Variants in RAB8B observed in about 807,000 individuals in gnomAD.
RAB8B encodes the protein ras-related protein Rab-8B.
A neutral mutation model predicts 32.0 loss-of-function variants in RAB8B; 11 were observed. The ratio of observed to expected loss-of-function variants is 0.34; its 90% CI spans 0.22 to 0.57. The LOEUF is 0.57. RAB8B is among the 20% of genes least tolerant of loss of function. RAB8B has a pLI of 0.86. For synonymous variants in RAB8B, 103 were observed against 89.6 expected, an observed-to-expected ratio of 1.15 and a Z score of -0.85; for missense variants, 190 against 258.5, an observed-to-expected ratio of 0.73 and a Z score of 1.82.
At chr15:63,215,774 T>C (rs2037786414) in intron 1 of RAB8B, among the ~76,000 whole-genome samples, 1 of 152,202 alleles carries the variant, frequency 6.6e-6, no homozygotes, top group Non-Finnish European at 1.5e-5. Flanking sequence ...TAGCTGCTCA[T>C]GCCTATAATT....
rs562523824 is a variant in RAB8B, at chr15:63,243,961, CTT to C, written c.125-792_125-791del. Among the ~76,000 whole-genome samples, 28 of 152,232 alleles carry C rather than the reference CTT, an allele frequency of 1.8e-4. No individual in the cohort carries two copies. The East Asian group carries it at 5.2e-3, about 28-fold the overall frequency. ...GAAAATGTAGGAGGAGCAGGACTAACTTTTATAAAAACCCACTCTCAAGATAA... is the reference window on the plus strand; with the variant it reads ...GAAAATGTAGGAGGAGCAGGACTAACTTATAAAAACCCACTCTCAAGATAA... On this transcript the variant is annotated intron_variant, in intron 1 of 7. Coordinates refer to ENST00000321437, the MANE Select transcript of RAB8B (RefSeq NM_016530.3).
intron 1 of RAB8B, among the ~76,000 whole-genome samples, chr15:63,201,663 C>G (rs1029531845): frequency 6.6e-6 from 1 of 152,084 alleles, no homozygotes; most frequent in African/African-American, 2.4e-5. Flanking sequence ...GGACCTTTGC[C>G]GTTTACAAAG....
chr15:63,200,863 C>G (rs1037532657), intron 1 of RAB8B, among the ~76,000 whole-genome samples: 2 of 152,182 alleles, frequency 1.3e-5, no homozygotes, highest in African/African-American at 4.8e-5. Context: ...ATTTCTCTTG[C>G]TATGAAAAGA....
At chr15:63,193,026 C>T (rs1308927327) in intron 1 of RAB8B, among the ~76,000 whole-genome samples, 1 of 151,972 alleles carries the variant, frequency 6.6e-6, no homozygotes, top group Non-Finnish European at 1.5e-5. Flanking sequence ...AGTTTGACAC[C>T]AGTCTGGGCA....
chr15:63,192,259 C>G (rs1337196428), intron 1 of RAB8B, among the ~76,000 whole-genome samples: 1 of 152,192 alleles, frequency 6.6e-6, no homozygotes, highest in Admixed American at 6.5e-5. Context: ...GCTCTGCAGT[C>G]AAAATTAAGC....
intron 1 of RAB8B, among the ~76,000 whole-genome samples, chr15:63,192,914 C>T (rs895795647): frequency 4.6e-5 from 7 of 152,078 alleles, no homozygotes; most frequent in African/African-American, 1.2e-4. Flanking sequence ...GGAAACATAG[C>T]GAGACTCTGT....
chr15:63,247,156 A>G (rs146961759), intron 2 of RAB8B, among the ~76,000 whole-genome samples: 41 of 152,300 alleles, frequency 2.7e-4, no homozygotes, highest in African/African-American at 9.6e-4. Flanking sequence ...TCTCACTTGT[A>G]TCCTCACATG....
At chr15:63,262,244 G>C (rs1233100846) in intron 6 of RAB8B, among the ~76,000 whole-genome samples, 1 of 152,034 alleles carries the variant, frequency 6.6e-6, no homozygotes, top group Non-Finnish European at 1.5e-5. Context: ...TCCTGTTCTT[G>C]GTGTACTGAA....
chr15:63,218,872 GA>G (rs538831415), intron 1 of RAB8B, among the ~76,000 whole-genome samples: 15 of 148,270 alleles, frequency 1.0e-4, no homozygotes, highest in East Asian at 2.0e-4. Context: ...AAAATAGGAA[GA>G]AAAAAAAACA....
At chr15:63,226,288 T>G (rs2141124957) in intron 1 of RAB8B, among the ~76,000 whole-genome samples, 1 of 152,360 alleles carries the variant, frequency 6.6e-6, no homozygotes, top group Middle Eastern at 3.4e-3. Flanking sequence ...GTTACATAGC[T>G]AAAATGAAGC....
Position 63,209,154 on chromosome 15 carries a change from G to T in RAB8B, c.124+19406G>T, listed in dbSNP as rs1447773057. 3.3e-5 allele frequency among the ~76,000 whole-genome samples: 5 copies of T among 151,512 alleles called. No homozygotes were observed. The East Asian group carries it at 9.9e-4, about 30-fold the overall frequency. On this transcript the variant is annotated intron_variant, in intron 1 of 7. Coordinates refer to ENST00000321437, the MANE Select transcript of RAB8B (RefSeq NM_016530.3). ...AATCTACCTGCCTCGGCCTCCCAAA[G>T]TGCTGGGACCCACGATGAATTCCTT... is the stretch of plus-strand genomic sequence containing the variant.
chr15:63,249,893 T>C (rs1428093390), intron 3 of RAB8B, among the ~76,000 whole-genome samples, 188 bp downstream of exon 3: 2 of 152,082 alleles, frequency 1.3e-5, no homozygotes, highest in African/African-American at 2.4e-5. Flanking sequence ...TCCCAGCACT[T>C]TGGGAGGCCG....
In RAB8B at chr15:63,264,965, A is replaced by G. The variant is rs888851557; in HGVS notation, c.*1346A>G. On this transcript the variant is annotated 3_prime_UTR_variant, in exon 8 of 8. Coordinates refer to ENST00000321437, the MANE Select transcript of RAB8B (RefSeq NM_016530.3). Reference sequence around the variant, plus strand: ...TTTCTCAACAAACACTGGTACTGGTATACTTTTGTAGATGAAACCATCACA... The same window carrying G: ...TTTCTCAACAAACACTGGTACTGGTGTACTTTTGTAGATGAAACCATCACA... 2.6e-5 allele frequency: 4 copies of G among 152,666 alleles called. No individual in the cohort carries two copies. The highest frequency in any genetic ancestry group is 5.9e-5 in the Non-Finnish European group (4 of 68,034). The allele number at this position is 152,666 out of a possible 1,614,324, so 9.5% of individuals were successfully genotyped here.
rs1487220543 is a variant in RAB8B, at chr15:63,256,527, G to C, written c.347G>C (p.Arg116Thr). ...CAGCATGCCTCTTCCGATGTCGAAA[G>C]AATGATCCTGGGTAACAAATGTGAT... ...IEEHASSDVE[R>T]MILGNKCDMN... Residue 116 changes from arginine (R) to threonine (T), a missense_variant, in exon 5 of 8, where the codon AGA (arginine) becomes ACA (threonine). Transcript: ENST00000321437. 1.2e-6 allele frequency: 2 copies of C among 1,603,164 alleles called. No homozygotes were observed. The highest frequency in any genetic ancestry group is 1.7e-6 in the Non-Finnish European group (2 of 1,176,680).
At chr15:63,233,123 G>A (rs1380997687) in intron 1 of RAB8B, among the ~76,000 whole-genome samples, 1 of 150,502 alleles carries the variant, frequency 6.6e-6, no homozygotes, top group Admixed American at 6.6e-5. Context: ...GTGGCGCAAT[G>A]ATCATAGCTC....
intron 1 of RAB8B, among the ~76,000 whole-genome samples, chr15:63,211,815 A>T (rs1179357123): frequency 6.6e-6 from 1 of 152,114 alleles, no homozygotes; most frequent in African/African-American, 2.4e-5. Flanking sequence ...ATCATTCAAC[A>T]ACATGAAGAG....
chr15:63,258,204 C>G (rs1289024820), intron 5 of RAB8B, among the ~76,000 whole-genome samples: 2 of 151,698 alleles, frequency 1.3e-5, no homozygotes, highest in African/African-American at 4.8e-5. Flanking sequence ...CTGGTTCAAG[C>G]GATTCTCCTG....
In RAB8B at chr15:63,241,963, A is replaced by G. The variant is rs552547338; in HGVS notation, c.125-2793A>G. 2.5e-3 allele frequency among the ~76,000 whole-genome samples: 379 copies of G among 151,954 alleles called. 1 individual carries two copies. The highest frequency in any genetic ancestry group is 4.3e-3 in the Non-Finnish European group (292 of 67,958). ...TTTGTGTCACCTTTACAGACCCTGA[A>G]ATGCTGAGGGAGGTGCCTTAGAGGA... is the stretch of plus-strand genomic sequence containing the variant. On this transcript the variant is annotated intron_variant, in intron 1 of 7. Transcript: ENST00000321437.
rs1000752523 is a variant in RAB8B, at chr15:63,266,024, C to G, written c.*2405C>G. The G allele has an allele frequency of 3.3e-5, 5 of 152,552 alleles. No individual in the cohort carries two copies. The highest frequency in any genetic ancestry group is 1.2e-4 in the African/African-American group (5 of 41,436). The allele number at this position is 152,552 out of a possible 1,614,324, so 9.4% of individuals were successfully genotyped here. Reference sequence around the variant, plus strand: ...TCACTTTCTGCATGATAAAATGACCCAATAAATATTCCACTTTGCTTAATA... The same window carrying G: ...TCACTTTCTGCATGATAAAATGACCGAATAAATATTCCACTTTGCTTAATA... On this transcript the variant is annotated 3_prime_UTR_variant, in exon 8 of 8. Transcript: ENST00000321437.
Sources: allele counts gnomAD v4.1 joint callset (sites outside exome capture counted in the v4.1 genomes callset), GRCh38; gene constraint gnomAD v4.1.1; transcripts MANE v1.5; gene names NCBI Gene and HGNC (gene_info 2026-07-23, HGNC 2026-07-21).